Variants in TAFA2 observed in about 807,000 individuals in gnomAD.
The protein encoded by TAFA2 is chemokine-like protein TAFA-2.
A neutral mutation model predicts 18.8 loss-of-function variants in TAFA2; 7 were observed. That is an observed-to-expected ratio of 0.37 (90% confidence interval 0.21 to 0.70). The LOEUF (loss-of-function observed/expected upper bound fraction) is 0.70, where lower values mean the gene tolerates loss of function less well. TAFA2 is among the 30% of genes least tolerant of loss of function. The probability of loss-of-function intolerance (pLI) is 0.53; values close to 1 mark genes in which losing one functional copy is unlikely to be tolerated. For missense variants in TAFA2, 122 were observed against 158.1 expected (o/e 0.77, Z 1.23); for synonymous variants, 60 against 54.2 (o/e 1.11, Z -0.47).
chr12:61,964,680 A>G (rs540499878), intron 1 of TAFA2, among the ~76,000 whole-genome samples: 49 of 151,880 alleles, frequency 3.2e-4, no homozygotes, highest in Non-Finnish European at 5.5e-4. Flanking sequence ...CATTCATTAA[A>G]TCAATATTTA....
chr12:62,235,750 G>T (rs1476152587), intron 1 of TAFA2, among the ~76,000 whole-genome samples: 1 of 151,968 alleles, frequency 6.6e-6, no homozygotes, highest in Non-Finnish European at 1.5e-5. Flanking sequence ...AGGAAGGTTT[G>T]CTTGTTTGTT....
chr12:62,019,835 A>C (rs1280271469), intron 1 of TAFA2, among the ~76,000 whole-genome samples: 1 of 152,206 alleles, frequency 6.6e-6, no homozygotes, highest in Non-Finnish European at 1.5e-5. Context: ...AATTTAAAAA[A>C]ATAGAATAAA....
At chr12:62,003,923 C>CA (rs1367859559) in intron 1 of TAFA2, among the ~76,000 whole-genome samples, 2 of 151,744 alleles carry the variant, frequency 1.3e-5, no homozygotes, top group African/African-American at 4.8e-5. Flanking sequence ...GAAGTGCATG[C>CA]AAAAAAAGGA....
chr12:61,856,941 AAAGT>A (rs1272075860), intron 2 of TAFA2, among the ~76,000 whole-genome samples: 2 of 151,708 alleles, frequency 1.3e-5, no homozygotes. Context: ...AAAAAGTGAG[AAAGT>A]AAGACACAAA....
At chr12:62,170,410 C>T (rs968056206) in intron 1 of TAFA2, among the ~76,000 whole-genome samples, 3 of 152,142 alleles carry the variant, frequency 2.0e-5, no homozygotes, top group African/African-American at 7.2e-5. Flanking sequence ...GTTGCCAAGA[C>T]ATGAAAGAAA....
chr12:62,069,654 A>C (rs2136801665), intron 1 of TAFA2, among the ~76,000 whole-genome samples: 1 of 152,290 alleles, frequency 6.6e-6, no homozygotes, highest in East Asian at 1.9e-4. Flanking sequence ...ATAGAGTCCA[A>C]GTGCTCGTTT....
At chr12:62,248,049 C>T (rs1408908804) in intron 1 of TAFA2, among the ~76,000 whole-genome samples, 1 of 152,120 alleles carries the variant, frequency 6.6e-6, no homozygotes, top group Non-Finnish European at 1.5e-5. Flanking sequence ...GGTACATGGA[C>T]ACATTGAAAG....
At chr12:62,163,463 A>G (rs2062419440) in intron 1 of TAFA2, among the ~76,000 whole-genome samples, 1 of 152,092 alleles carries the variant, frequency 6.6e-6, no homozygotes, top group East Asian at 1.9e-4. Context: ...TAAAAGAGCC[A>G]TTTTTTGTTC....
At chr12:61,790,836 G>T (rs943925356) in intron 2 of TAFA2, among the ~76,000 whole-genome samples, 11 of 151,598 alleles carry the variant, frequency 7.3e-5, no homozygotes, top group African/African-American at 1.9e-4. Context: ...AATACTAACG[G>T]TGTTATTTAT....
intron 2 of TAFA2, among the ~76,000 whole-genome samples, chr12:61,762,054 T>C (rs1401574839): frequency 2.0e-5 from 3 of 152,086 alleles, no homozygotes; most frequent in Admixed American, 6.6e-5. Flanking sequence ...CCATGATTGA[T>C]TGTAAGTTTC....
At chr12:61,942,148 G>A (rs1177528420) in intron 1 of TAFA2, among the ~76,000 whole-genome samples, 2 of 149,214 alleles carry the variant, frequency 1.3e-5, no homozygotes, top group Non-Finnish European at 3.0e-5. Flanking sequence ...CCTGACCCCT[G>A]ACCCCCGAGC....
intron 1 of TAFA2, chr12:62,253,676 T>C (rs1217256219): frequency 6.6e-6 from 1 of 152,194 alleles, no homozygotes; most frequent in Admixed American, 6.5e-5. Context: ...CAGGAAAGTG[T>C]CTCCTACTTT....
chr12:62,143,988 C>T (rs2062259544), intron 1 of TAFA2, among the ~76,000 whole-genome samples: 2 of 143,138 alleles, frequency 1.4e-5, no homozygotes, highest in Admixed American at 1.5e-4. Flanking sequence ...GTTGAGGCTG[C>T]AGTGAGCTGA....
At chr12:62,041,864 A>G (rs1186288067) in intron 1 of TAFA2, among the ~76,000 whole-genome samples, 1 of 152,158 alleles carries the variant, frequency 6.6e-6, no homozygotes, top group Non-Finnish European at 1.5e-5. Context: ...ATCCTACTTC[A>G]TTTTAAGGCA....
intron 1 of TAFA2, among the ~76,000 whole-genome samples, chr12:61,980,238 C>G (rs967706061): frequency 6.6e-6 from 1 of 151,888 alleles, no homozygotes; most frequent in African/African-American, 2.4e-5. Context: ...AAAAGTCCCT[C>G]GACAAAATTC....
intron 1 of TAFA2, among the ~76,000 whole-genome samples, chr12:62,236,554 C>T (rs146514954): frequency 2.2e-3 from 341 of 152,222 alleles, no homozygotes; most frequent in African/African-American, 7.9e-3. Context: ...CGTGAGCCAC[C>T]GCACCCAGCC....
At chr12:61,797,456 C>T (rs1449274152) in intron 2 of TAFA2, among the ~76,000 whole-genome samples, 1 of 152,006 alleles carries the variant, frequency 6.6e-6, no homozygotes, top group Non-Finnish European at 1.5e-5. Flanking sequence ...TGCCCATGAG[C>T]TGCAATGGAA....
chr12:61,762,824 G>T (rs1869617883), intron 2 of TAFA2, among the ~76,000 whole-genome samples: 2 of 152,026 alleles, frequency 1.3e-5, no homozygotes, highest in South Asian at 4.2e-4. Context: ...CATTGATTAT[G>T]AAATTTTGTT....
chr12:62,211,408 A>G (rs906656775), intron 1 of TAFA2, among the ~76,000 whole-genome samples: 9 of 151,876 alleles, frequency 5.9e-5, no homozygotes, highest in African/African-American at 1.9e-4. Context: ...GTGAAACCCT[A>G]TCTCTACTAA....
Sources: gnomAD v4.1 joint callset for allele counts (sites outside exome capture counted in the v4.1 genomes callset) on GRCh38, gnomAD v4.1.1 for gene constraint, MANE v1.5 for transcripts, NCBI Gene and HGNC (gene_info 2026-07-23, HGNC 2026-07-21) for gene names.